The following MEGF10 variants were observed in gnomAD, a reference collection of about 807,000 sequenced individuals.
MEGF10 encodes multiple epidermal growth factor-like domains protein 10.
In MEGF10, 86 loss-of-function variants were observed where a neutral mutation model predicts 147.5. The observed-to-expected ratio is 0.58, with a 90% CI of 0.49 to 0.70. MEGF10 has a LOEUF of 0.70. Among genes scored for constraint, MEGF10 ranks in the 30% least tolerant of loss-of-function variants. The probability of loss-of-function intolerance (pLI) is 0.00; values close to 1 mark genes in which losing one functional copy is unlikely to be tolerated. For synonymous variants in MEGF10, 478 were observed against 525.5 expected (o/e 0.91, Z 1.24); for missense variants, 1,329 against 1,487.3 (o/e 0.89, Z 1.75).
intron 5 of MEGF10, among the ~76,000 whole-genome samples, chr5:127,378,120 C>T (rs1042287108): frequency 6.6e-6 from 1 of 152,184 alleles, no homozygotes; most frequent in African/African-American, 2.4e-5. Flanking sequence ...CTACCACCAC[C>T]CTCTGTCACC....
chr5:127,240,788 A>G, the MEGF10 span, among the ~76,000 whole-genome samples: 121 of 152,358 alleles, frequency 7.9e-4, no homozygotes, highest in African/African-American at 2.8e-3. Context: ...ATGTTGTCAA[A>G]TAAACAAAGA....
Position 127,340,500 on chromosome 5 carries a change from G to A in MEGF10, c.219-30G>A, listed in dbSNP as rs79602606. On this transcript the variant is annotated intron_variant, in intron 3 of 24. Transcript: ENST00000503335. The stretch of plus-strand genomic sequence containing the variant: ...ACTTTGCTTTTCAGACTTTTATTAT[G>A]TTTAATAGCTAATTTTTCCTTCTCT... 2,562 of 1,572,576 alleles carry A rather than the reference G, an allele frequency of 1.6e-3. 40 individuals carry two copies. The African/African-American group carries it at 0.031, about 19-fold the overall frequency.
intron 19 of MEGF10, 156 bp from the exon 20 acceptor site, chr5:127,445,301 G>A (rs987630044): frequency 6.2e-6 from 4 of 648,936 alleles, no homozygotes; most frequent in African/African-American, 5.5e-5. Flanking sequence ...CTGACAATGA[G>A]GAATGTTTGC....
chr5:127,238,829 C>A, the MEGF10 span, among the ~76,000 whole-genome samples: 1,383 of 152,228 alleles, frequency 9.1e-3, 30 homozygotes, highest in African/African-American at 0.032. Context: ...ATTAAGATGG[C>A]TCATGAGGAA....
rs896986563 is a variant in MEGF10 at position 127,397,343 on chromosome 5, C to T, written c.659+565C>T. ...GAATGTGAAGATATATGTATTACATCTATGTAGATTTTGTGCACACACATA... is the reference window on the plus strand; with the variant it reads ...GAATGTGAAGATATATGTATTACATTTATGTAGATTTTGTGCACACACATA... On this transcript the variant is annotated intron_variant, in intron 6 of 24. Transcript: ENST00000503335. 1.3e-5 allele frequency among the ~76,000 whole-genome samples: 2 copies of T among 152,180 alleles called. 1 individual carries two copies. Among genetic ancestry groups the T allele is most frequent in the Non-Finnish European group, 2.9e-5 (2 of 68,044 alleles).
At chr5:127,377,741 G>C (rs1763088517) in intron 5 of MEGF10, among the ~76,000 whole-genome samples, 1 of 152,214 alleles carries the variant, frequency 6.6e-6, no homozygotes, top group Non-Finnish European at 1.5e-5. Flanking sequence ...CTGCTGTAAA[G>C]ATCTATTGAC....
At chr5:127,234,084 G>C in the MEGF10 span, among the ~76,000 whole-genome samples, 1 of 152,198 alleles carries the variant, frequency 6.6e-6, no homozygotes, top group African/African-American at 2.4e-5. Flanking sequence ...CAGAGTCAGG[G>C]CTCATACTGA....
Position 127,457,855 on chromosome 5 carries a change from C to T in MEGF10, c.*537C>T, listed in dbSNP as rs1766422796. 6.6e-6 allele frequency: 1 copy of T among 152,584 alleles called. No homozygotes were observed. Among genetic ancestry groups the T allele is most frequent in the African/African-American group, 2.4e-5 (1 of 41,452 alleles). The allele number at this position is 152,584 out of a possible 1,614,324, so 9.5% of individuals were successfully genotyped here. ...GGGATAATATGAATGCAGGAGGAAA[C>T]ATTCTGTCAGGCGGTATGACTGGAC... is the stretch of plus-strand genomic sequence containing the variant. On this transcript the variant is annotated 3_prime_UTR_variant, in exon 25 of 25. Coordinates refer to ENST00000503335, the MANE Select transcript of MEGF10 (RefSeq NM_001256545.2).
At chr5:127,360,666 G>A (rs1762439294) in intron 4 of MEGF10, among the ~76,000 whole-genome samples, 1 of 151,768 alleles carries the variant, frequency 6.6e-6, no homozygotes, top group African/African-American at 2.4e-5. Context: ...TTTCTAGTTT[G>A]CAGAAATTTT....
intron 13 of MEGF10, among the ~76,000 whole-genome samples, chr5:127,429,158 T>C (rs975261419): frequency 1.3e-5 from 2 of 152,232 alleles, no homozygotes; most frequent in Non-Finnish European, 2.9e-5. Context: ...TTTTAGAAGT[T>C]ATTTCCTGAA....
chr5:127,238,952 A>C, the MEGF10 span, among the ~76,000 whole-genome samples: 1 of 151,960 alleles, frequency 6.6e-6, no homozygotes, highest in Non-Finnish European at 1.5e-5. Context: ...GTAATGGTAC[A>C]ACTGACATCA....
intron 1 of MEGF10, among the ~76,000 whole-genome samples, chr5:127,320,837 G>A (rs1487315020): frequency 1.3e-5 from 2 of 152,196 alleles, no homozygotes; most frequent in African/African-American, 4.8e-5. Context: ...CTGCTTCCTG[G>A]TCTGGGTTAG....
At chr5:127,437,336 G>T (rs1252375443) in intron 16 of MEGF10, among the ~76,000 whole-genome samples, 1 of 152,136 alleles carries the variant, frequency 6.6e-6, no homozygotes, top group Non-Finnish European at 1.5e-5. Context: ...TAAAATTAAG[G>T]TGTTGTATTT....
intron 9 of MEGF10, among the ~76,000 whole-genome samples, chr5:127,411,493 G>A (rs547219603): frequency 3.3e-5 from 5 of 152,270 alleles, no homozygotes; most frequent in South Asian, 2.1e-4. Flanking sequence ...AAACAAAAGC[G>A]TGTGGTTGGT....
chr5:127,285,328 C>T, the MEGF10 span, among the ~76,000 whole-genome samples: 1 of 151,880 alleles, frequency 6.6e-6, no homozygotes, highest in African/African-American at 2.4e-5. Context: ...ATTTGATAGA[C>T]CTAAATGAAT....
chr5:127,353,502 C>T (rs1762161849), intron 4 of MEGF10, among the ~76,000 whole-genome samples: 3 of 152,278 alleles, frequency 2.0e-5, no homozygotes, highest in Admixed American at 2.0e-4. Flanking sequence ...AGAAGGCTGG[C>T]CATACATTCT....
rs371492660 is a variant in MEGF10, at chr5:127,449,553, G to A, written c.2980+331G>A. Among the ~76,000 whole-genome samples, 3 of 152,162 alleles carry A rather than the reference G, an allele frequency of 2.0e-5. No homozygotes were observed. In the South Asian group the frequency reaches 6.2e-4, roughly 32 times the overall value. On this transcript the variant is annotated intron_variant, in intron 22 of 24. Coordinates refer to ENST00000503335, the MANE Select transcript of MEGF10 (RefSeq NM_001256545.2). Reference sequence around the variant, plus strand: ...GTGGGTACTATTGTTATCACCATCTGCATGTTACAGTTGAGAAACTGAGTC... The same window carrying A: ...GTGGGTACTATTGTTATCACCATCTACATGTTACAGTTGAGAAACTGAGTC...
intron 17 of MEGF10, 120 bp downstream of exon 17, chr5:127,438,687 C>T: frequency 2.0e-6 from 2 of 994,490 alleles, no homozygotes. Context: ...GTACTTCCCT[C>T]TCCTAATGAC....
At chr5:127,356,595 A>C (rs1011772263) in intron 4 of MEGF10, among the ~76,000 whole-genome samples, 1 of 152,210 alleles carries the variant, frequency 6.6e-6, no homozygotes, top group African/African-American at 2.4e-5. Flanking sequence ...TAAGCTAAAA[A>C]ACAATAGCTA....
Sources: allele counts gnomAD v4.1 joint callset (sites outside exome capture counted in the v4.1 genomes callset), GRCh38; gene constraint gnomAD v4.1.1; transcripts MANE v1.5; gene names NCBI Gene and HGNC (gene_info 2026-07-23, HGNC 2026-07-21).